GRAMD1B: variants seen among roughly 807,000 people sequenced by gnomAD.
GRAMD1B encodes protein Aster-B.
A neutral mutation model predicts 99.7 loss-of-function variants in GRAMD1B; 37 were observed. That is an observed-to-expected ratio of 0.37 (90% CI 0.29 to 0.49). The LOEUF (loss-of-function observed/expected upper bound fraction) is 0.49. Among genes scored for constraint, GRAMD1B ranks in the 20% least tolerant of loss-of-function variants. The pLI is 0.98. For missense variants in GRAMD1B, 888 were observed against 1,009.2 expected, an observed-to-expected ratio of 0.88 and a Z score of 1.63; for synonymous variants, 427 against 387.6, an observed-to-expected ratio of 1.10 and a Z score of -1.19.
In GRAMD1B at chr11:123,433,147, C is replaced by T. The variant is rs894563013; in HGVS notation, c.374+1981C>T. Reference sequence around the variant, plus strand: ...GGCGGGAGGGTCACCTGAGGTGAGGCGGGAGGGTCACCTGAGGTCAGGAGT... The same window carrying T: ...GGCGGGAGGGTCACCTGAGGTGAGGTGGGAGGGTCACCTGAGGTCAGGAGT... On this transcript the variant is annotated intron_variant, in intron 1 of 19. Coordinates refer to ENST00000635736, the MANE Select transcript of GRAMD1B (RefSeq NM_001387025.1). 4.0e-5 allele frequency among the ~76,000 whole-genome samples: 6 copies of T among 151,236 alleles called. No homozygotes were observed. In the East Asian group the frequency reaches 5.8e-4, roughly 15 times the overall value.
chr11:123,538,609 A>T (rs850290), intron 2 of GRAMD1B, among the ~76,000 whole-genome samples: 142 of 151,572 alleles, frequency 9.4e-4, no homozygotes, highest in Non-Finnish European at 1.5e-3. Flanking sequence ...CCTATTCTGG[A>T]CTTTATTTTA....
intron 1 of GRAMD1B, among the ~76,000 whole-genome samples, chr11:123,379,100 G>T (rs574061024): frequency 1.3e-5 from 2 of 152,310 alleles, no homozygotes; most frequent in Admixed American, 6.5e-5. Flanking sequence ...GGGATGGAAT[G>T]AGGTAAAAAT....
intron 1 of GRAMD1B, among the ~76,000 whole-genome samples, chr11:123,415,217 C>T (rs182027085): frequency 6.8e-6 from 1 of 147,848 alleles, no homozygotes; most frequent in Non-Finnish European, 1.5e-5. Flanking sequence ...ATTCTCTTGC[C>T]TTAGCTTCCC....
chr11:123,615,057 A>C (rs1954166062), intron 17 of GRAMD1B, among the ~76,000 whole-genome samples: 1 of 152,232 alleles, frequency 6.6e-6, no homozygotes, highest in Non-Finnish European at 1.5e-5. Context: ...CTAGGCCTTC[A>C]GAAGAAAATG....
In GRAMD1B at chr11:123,383,834, A is replaced by G. The variant is rs1214090705; in HGVS notation, c.-176+25035A>G. 2.6e-5 allele frequency among the ~76,000 whole-genome samples: 4 copies of G among 151,448 alleles called. No individual in the cohort carries two copies. The East Asian group carries it at 7.7e-4, about 29-fold the overall frequency. ...AATATATATTTCTTTCTATTTGTCC[A>G]TTAATGCATCTATCCATCCATCTTT... On this transcript the variant is annotated intron_variant, in intron 1 of 20. Transcript: ENST00000638157.
intron 16 of GRAMD1B, 147 bp from the exon 17 acceptor site, chr11:123,614,598 C>G (rs1413563718): frequency 1.3e-5 from 7 of 557,872 alleles, no homozygotes; most frequent in Non-Finnish European, 2.3e-5. Context: ...TCTTGGAGAG[C>G]TGGCAGTCTC....
At chr11:123,470,008 G>A (rs909895989) in intron 1 of GRAMD1B, among the ~76,000 whole-genome samples, 7 of 152,128 alleles carry the variant, frequency 4.6e-5, no homozygotes, top group Non-Finnish European at 7.3e-5. Context: ...AAGGGAATGC[G>A]AGAAAATAAC....
At chr11:123,419,941 A>C (rs1948371944) in intron 1 of GRAMD1B, among the ~76,000 whole-genome samples, 2 of 152,114 alleles carry the variant, frequency 1.3e-5, no homozygotes, top group Non-Finnish European at 2.9e-5. Flanking sequence ...CCAAGGTCCA[A>C]GGTCCTGCAT....
intron 2 of GRAMD1B, among the ~76,000 whole-genome samples, chr11:123,486,821 G>T (rs1328309737): frequency 6.6e-6 from 1 of 152,234 alleles, no homozygotes; most frequent in Non-Finnish European, 1.5e-5. Flanking sequence ...TGTAATCCCA[G>T]CAATCGGGGA....
chr11:123,599,027 G>A lies in GRAMD1B; in HGVS notation c.970-1441G>A, dbSNP rs902101735. On this transcript the variant is annotated intron_variant, in intron 7 of 19. Coordinates refer to ENST00000635736, the MANE Select transcript of GRAMD1B (RefSeq NM_001387025.1). ...TAATGTACTTGAGGCAACAGTCATG[G>A]AGATCGAGGTAACGACCATATCCCT... The A allele has an allele frequency of 3.6e-6, 4 of 1,109,746 alleles. No homozygotes were observed. In the African/African-American group the frequency reaches 4.6e-5, roughly 13 times the overall value. 68.7% of individuals were successfully genotyped at this position (1,109,746 alleles called of 1,614,324 possible).
chr11:123,466,142 G>T (rs922325825), intron 1 of GRAMD1B, among the ~76,000 whole-genome samples: 16 of 151,980 alleles, frequency 1.1e-4, no homozygotes, highest in Admixed American at 3.3e-4. Flanking sequence ...TGGGAGTGGT[G>T]GTGGACGCCT....
rs75912841 is a variant in GRAMD1B at position 123,542,516 on chromosome 11, A to C, written c.453-34851A>C. Among the ~76,000 whole-genome samples the C allele has an allele frequency of 2.3e-3, 349 of 152,260 alleles. 1 individual carries two copies. Among genetic ancestry groups the C allele is most frequent in the Non-Finnish European group, 3.0e-3 (205 of 68,002 alleles). On this transcript the variant is annotated intron_variant, in intron 2 of 19. Coordinates refer to ENST00000635736, the MANE Select transcript of GRAMD1B (RefSeq NM_001387025.1). The stretch of plus-strand genomic sequence containing the variant: ...GCTGGAGAGTTTGTGCTCTGGGAGA[A>C]TTTATCAGGGAAGTCTCCCTGGGGA...
chr11:123,547,739 T>C (rs1945159355), intron 2 of GRAMD1B, among the ~76,000 whole-genome samples: 1 of 152,178 alleles, frequency 6.6e-6, no homozygotes, highest in South Asian at 2.1e-4. Context: ...CTGTCTTTAT[T>C]TATCTTTGAA....
At chr11:123,590,392 C>T (rs1272336435) in intron 4 of GRAMD1B, among the ~76,000 whole-genome samples, 3 of 152,222 alleles carry the variant, frequency 2.0e-5, no homozygotes, top group East Asian at 3.9e-4. Context: ...TTCATCCTAA[C>T]AGCAGTGCCC....
At chr11:123,619,250 G>A in intron 19 of GRAMD1B, 26 bp downstream of exon 19, 1 of 1,548,188 alleles carries the variant, frequency 6.5e-7, no homozygotes, top group South Asian at 1.2e-5. Context: ...TTCTCTGCTT[G>A]CCCTGGTCTT....
chr11:123,499,915 A>G (rs1286328589), intron 2 of GRAMD1B, among the ~76,000 whole-genome samples: 1 of 152,188 alleles, frequency 6.6e-6, no homozygotes, highest in East Asian at 1.9e-4. Flanking sequence ...AAGGGGAGCA[A>G]TTTCTCCCAC....
At chr11:123,556,903 A>G (rs1946238664) in intron 2 of GRAMD1B, among the ~76,000 whole-genome samples, 1 of 152,182 alleles carries the variant, frequency 6.6e-6, no homozygotes, top group African/African-American at 2.4e-5. Flanking sequence ...CTCTATGGGA[A>G]ATTATAAACA....
At chr11:123,369,124 A>G (rs1946431391) in intron 1 of GRAMD1B, among the ~76,000 whole-genome samples, 2 of 152,040 alleles carry the variant, frequency 1.3e-5, no homozygotes, top group Non-Finnish European at 2.9e-5. Flanking sequence ...GTGAGACCCC[A>G]TATCTACAAA....
At position 123,363,889 on chromosome 11, in the gene GRAMD1B, G is replaced by T. The variant is rs2135691081; in HGVS notation, c.-176+5090G>T. On this transcript the variant is annotated intron_variant, in intron 1 of 20. Coordinates refer to the GRAMD1B transcript ENST00000638157. The stretch of plus-strand genomic sequence containing the variant: ...GGACTTACTTCCTTAAGTCCCAGAA[G>T]ATTTAGTAGCAATTAAATGCATGCC... Among the ~76,000 whole-genome samples the T allele has an allele frequency of 2.6e-5, 4 of 152,284 alleles. No homozygotes were observed. In the Middle Eastern group the frequency reaches 0.014, roughly 518 times the overall value.
Sources: gnomAD v4.1 joint callset for allele counts (sites outside exome capture counted in the v4.1 genomes callset) on GRCh38, gnomAD v4.1.1 for gene constraint, MANE v1.5 for transcripts, NCBI Gene and HGNC (gene_info 2026-07-23, HGNC 2026-07-21) for gene names.